INSL6: variants seen among roughly 807,000 people sequenced by gnomAD.
INSL6 encodes insulin like 6, also known as insulin-like peptide INSL6.
In INSL6, 16 loss-of-function variants were observed where a neutral mutation model predicts 9.4. That is an observed-to-expected ratio of 1.70 (90% CI 1.15 to 2.59). The LOEUF is 2.59. Among genes scored for constraint, INSL6 ranks in the 30% most tolerant of loss-of-function variants. INSL6 has a pLI of 0.00. For synonymous variants in INSL6, 154 were observed against 96.9 expected (o/e 1.59, Z -3.46); for missense variants, 391 against 257.3 (o/e 1.52, Z -3.56).
the INSL6 span, among the ~76,000 whole-genome samples, chr9:4,997,343 C>G: frequency 6.6e-6 from 1 of 152,168 alleles, no homozygotes; most frequent in Non-Finnish European, 1.5e-5. Flanking sequence ...ATGGGGCTGA[C>G]ATTTGCTCAG....
the INSL6 span, among the ~76,000 whole-genome samples, chr9:5,084,182 G>A: frequency 3.9e-5 from 6 of 152,098 alleles, no homozygotes; most frequent in African/African-American, 1.4e-4. Flanking sequence ...ATATTTCTTA[G>A]TAATTTAGTT....
chr9:5,069,087 C>G, the INSL6 span: 4 of 1,611,080 alleles, frequency 2.5e-6, no homozygotes, highest in Non-Finnish European at 3.4e-6. Flanking sequence ...AGTACAACCT[C>G]AGTGGGACAA....
chr9:5,154,132 C>T (rs190381524), intron 2 of INSL6, among the ~76,000 whole-genome samples: 1 of 152,246 alleles, frequency 6.6e-6, no homozygotes, highest in African/African-American at 2.4e-5. Flanking sequence ...GAGATACAGA[C>T]CAATGGAACA....
chr9:5,152,929 C>G (rs780322138), intron 2 of INSL6, among the ~76,000 whole-genome samples: 1 of 152,072 alleles, frequency 6.6e-6, no homozygotes, highest in Admixed American at 6.5e-5. Flanking sequence ...CGTCGCCTCA[C>G]CCGGGAAGCA....
At chr9:5,015,834 G>A in the INSL6 span, among the ~76,000 whole-genome samples, 27 of 152,138 alleles carry the variant, frequency 1.8e-4, no homozygotes, top group African/African-American at 6.5e-4. Flanking sequence ...GTTTAAGGCA[G>A]TGTGATTTCC....
At chr9:5,171,387 T>C (rs1200076951) in intron 1 of INSL6, among the ~76,000 whole-genome samples, 1 of 152,178 alleles carries the variant, frequency 6.6e-6, no homozygotes, top group Non-Finnish European at 1.5e-5. Flanking sequence ...TCATACTGAA[T>C]GGGTAAAGCT....
chr9:5,126,536 C>CG lies in INSL6; in HGVS notation c.*11-2026dup. On this transcript the variant is annotated intron_variant, in intron 3 of 3. Coordinates refer to the INSL6 transcript ENST00000649639. Reference sequence around the variant, plus strand: ...AGTTCACTTCCTGAAATTTAATGTGCGGAGCTTCCAGATAAACAGCATAAT... The same window carrying CG: ...AGTTCACTTCCTGAAATTTAATGTGCGGGAGCTTCCAGATAAACAGCATAAT... 3.0e-6 allele frequency: 3 copies of CG among 991,608 alleles called. No individual in the cohort carries two copies. The East Asian group carries it at 7.6e-5, about 25-fold the overall frequency. The allele number at this position is 991,608 out of a possible 1,614,324, so 61.4% of individuals were successfully genotyped here. A position where few individuals can be genotyped will look rare whatever the true frequency, so the allele number is the denominator to read the frequency against.
At chr9:5,107,593 A>T in the INSL6 span, among the ~76,000 whole-genome samples, 1 of 152,314 alleles carries the variant, frequency 6.6e-6, no homozygotes. Context: ...AAGTCAAAAG[A>T]AATGATTTCG....
intron 1 of INSL6, among the ~76,000 whole-genome samples, chr9:5,165,547 C>T (rs1017852672): frequency 6.6e-6 from 1 of 152,096 alleles, no homozygotes; most frequent in Non-Finnish European, 1.5e-5. Context: ...TTTTCATATG[C>T]TTATTATATA....
At chr9:5,182,212 T>A (rs1825472298) in intron 1 of INSL6, among the ~76,000 whole-genome samples, 1 of 152,102 alleles carries the variant, frequency 6.6e-6, no homozygotes, top group Admixed American at 6.5e-5. Flanking sequence ...GGAATGCACA[T>A]GAGTATTATG....
the INSL6 span, chr9:5,098,619 C>G: frequency 6.6e-6 from 1 of 152,108 alleles, no homozygotes; most frequent in African/African-American, 2.4e-5. Context: ...ATAATCCTTC[C>G]CTTACTGTCA....
At chr9:5,015,710 T>A in the INSL6 span, among the ~76,000 whole-genome samples, 1 of 152,136 alleles carries the variant, frequency 6.6e-6, no homozygotes, top group Admixed American at 6.6e-5. Context: ...GAGTCACTTA[T>A]TCTTTTGATT....
At chr9:5,179,044 CAA>C (rs57246500) in intron 1 of INSL6, among the ~76,000 whole-genome samples, 19 of 132,654 alleles carry the variant, frequency 1.4e-4, no homozygotes, top group Non-Finnish European at 8.3e-5. Flanking sequence ...TTCTGCACAG[CAA>C]AAAAAAAAAA....
chr9:5,120,492 G>A (rs778075085), downstream of INSL6, among the ~76,000 whole-genome samples: 40 of 152,122 alleles, frequency 2.6e-4, no homozygotes, highest in Non-Finnish European at 2.8e-4. Context: ...GTTCGAAAAG[G>A]CTCTTTTGTT....
At chr9:5,179,645 C>G (rs1197521538) in intron 1 of INSL6, among the ~76,000 whole-genome samples, 1 of 152,180 alleles carries the variant, frequency 6.6e-6, no homozygotes, top group African/African-American at 2.4e-5. Flanking sequence ...ACACATACAC[C>G]ATGGAATACT....
the INSL6 span, chr9:5,080,578 TG>T: frequency 6.2e-7 from 1 of 1,602,400 alleles, no homozygotes; most frequent in Non-Finnish European, 8.5e-7. Context: ...TGCACCAAAG[TG>T]GGCAGAATTA....
chr9:5,125,518 T>C (rs956024357), intron 3 of INSL6, among the ~76,000 whole-genome samples: 5 of 151,466 alleles, frequency 3.3e-5, no homozygotes, highest in African/African-American at 1.2e-4. Flanking sequence ...CTGATAATTA[T>C]CTTAGAATAA....
the INSL6 span, among the ~76,000 whole-genome samples, chr9:5,017,437 C>T: frequency 1.3e-5 from 2 of 152,186 alleles, no homozygotes; most frequent in East Asian, 3.8e-4. Flanking sequence ...AGAAAACCAA[C>T]TCTTAGATTT....
chr9:5,061,098 A>C, the INSL6 span, among the ~76,000 whole-genome samples: 1 of 152,244 alleles, frequency 6.6e-6, no homozygotes, highest in Non-Finnish European at 1.5e-5. Context: ...CATGCTATAA[A>C]CAATAGATGT....
Sources: allele counts gnomAD v4.1 joint callset (sites outside exome capture counted in the v4.1 genomes callset), GRCh38; gene constraint gnomAD v4.1.1; transcripts MANE v1.5; gene names NCBI Gene and HGNC (gene_info 2026-07-23, HGNC 2026-07-21).